The following FOSL2 variants were observed in gnomAD, a reference collection of about 807,000 sequenced individuals.
The protein encoded by FOSL2 is fos-related antigen 2.
Under a neutral mutation model 27.7 loss-of-function variants are expected in FOSL2, and 3 were observed. The observed-to-expected ratio is 0.11, with a 90% CI of 0.05 to 0.28. FOSL2 has a LOEUF of 0.28. Among genes scored for constraint, FOSL2 ranks in the 10% least tolerant of loss-of-function variants. FOSL2 has a pLI of 1.00. For missense variants in FOSL2, 333 were observed against 445.1 expected (o/e 0.75, Z 2.27); for synonymous variants, 179 against 190.1 (o/e 0.94, Z 0.48).
intron 1 of FOSL2, among the ~76,000 whole-genome samples, chr2:28,402,035 C>T (rs1046559541): frequency 6.6e-6 from 1 of 152,180 alleles, no homozygotes; most frequent in Non-Finnish European, 1.5e-5. Context: ...ATGCATTGTA[C>T]TGGGTAACTT....
rs1261127038 is a variant in FOSL2, at chr2:28,408,886, G to A, written c.462+20G>A. On this transcript the variant is annotated intron_variant, in intron 3 of 3. Coordinates refer to ENST00000264716, the MANE Select transcript of FOSL2 (RefSeq NM_005253.4). This position sits in a 1 kb window ranked among gnomAD's most constrained non-coding sequence, Gnocchi z 4.1. Reference sequence around the variant, plus strand: ...CAGGCGGTGAGGAACTCTGCGTAGGGTGGGAGCACCTCTGGGTGGGCTGGA... The same window carrying A: ...CAGGCGGTGAGGAACTCTGCGTAGGATGGGAGCACCTCTGGGTGGGCTGGA... The A allele has an allele frequency of 6.4e-7, 1 of 1,569,918 alleles. No individual in the cohort carries two copies. Among genetic ancestry groups the A allele is most frequent in the Non-Finnish European group, 8.7e-7 (1 of 1,153,104 alleles).
chr2:28,393,230 A>C lies in FOSL2; in HGVS notation c.-491A>C, dbSNP rs1483950334. 1 of 220,994 alleles carries C rather than the reference A, an allele frequency of 4.5e-6. No individual in the cohort carries two copies. Among genetic ancestry groups the C allele is most frequent in the Non-Finnish European group, 8.7e-6 (1 of 114,346 alleles). 13.7% of individuals were successfully genotyped at this position (220,994 alleles called of 1,614,324 possible). A position where few individuals can be genotyped will look rare whatever the true frequency, so the allele number is the denominator to read the frequency against. On this transcript the variant is annotated 5_prime_UTR_variant, in exon 1 of 4. Coordinates refer to ENST00000264716, the MANE Select transcript of FOSL2 (RefSeq NM_005253.4). This position sits in a 1 kb window ranked among gnomAD's most constrained non-coding sequence, Gnocchi z 4.6. Reference sequence around the variant, plus strand: ...TTTATTCTCCGGCTCCTTTTCTAAAAGGAAGAAACAGAAGTTTCTCCCAGC... The same window carrying C: ...TTTATTCTCCGGCTCCTTTTCTAAACGGAAGAAACAGAAGTTTCTCCCAGC...
chr2:28,405,296 G>A (rs1664054061), intron 2 of FOSL2, among the ~76,000 whole-genome samples: 1 of 152,248 alleles, frequency 6.6e-6, no homozygotes, highest in Admixed American at 6.5e-5. Flanking sequence ...CACTCGGCCA[G>A]TGAGTGGGGA....
chr2:28,393,620 G>T lies in FOSL2; in HGVS notation c.-101G>T. The stretch of plus-strand genomic sequence containing the variant: ...AGGAGCGAAGCCCAGAGCCCGCGGC[G>T]CGGCCGGCGGACGAACGAGCGCGCA... On this transcript the variant is annotated 5_prime_UTR_variant, in exon 1 of 4. Coordinates refer to ENST00000264716, the MANE Select transcript of FOSL2 (RefSeq NM_005253.4). The surrounding 1 kb of genome is among the most constrained non-coding windows in gnomAD (Gnocchi z 4.6). 2 of 837,220 alleles carry T rather than the reference G, an allele frequency of 2.4e-6. No homozygotes were observed. Among genetic ancestry groups the T allele is most frequent in the Admixed American group, 5.3e-5 (2 of 37,530 alleles). The allele number at this position is 837,220 out of a possible 1,614,324, so 51.9% of individuals were successfully genotyped here. A position where few individuals can be genotyped will look rare whatever the true frequency, so the allele number is the denominator to read the frequency against.
intron 1 of FOSL2, chr2:28,396,793 C>CACACACACACACACAG (rs1663847295): frequency 7.9e-6 from 1 of 127,182 alleles, no homozygotes; most frequent in Non-Finnish European, 1.8e-5. Context: ...TCCCAAGACA[C>CACACACACACACACAG]ACACACACAC....
In FOSL2 at chr2:28,393,155, C is replaced by T. The variant is rs1012341229; in HGVS notation, c.-566C>T. 3.4e-6 allele frequency: 1 copy of T among 294,324 alleles called. No homozygotes were observed. Among genetic ancestry groups the T allele is most frequent in the Non-Finnish European group, 6.2e-6 (1 of 160,500 alleles). 18.2% of individuals were successfully genotyped at this position (294,324 alleles called of 1,614,324 possible). Reference sequence around the variant, plus strand: ...CGGGCGCACGCCGCCTTCTCCTAGTCAAGTATCCGAGCCGCCCCGAAACTC... The same window carrying T: ...CGGGCGCACGCCGCCTTCTCCTAGTTAAGTATCCGAGCCGCCCCGAAACTC... On this transcript the variant is annotated 5_prime_UTR_variant, in exon 1 of 4. Transcript: ENST00000264716. This position sits in a 1 kb window ranked among gnomAD's most constrained non-coding sequence, Gnocchi z 4.6.
At chr2:28,400,169 G>A (rs1663940490) in intron 1 of FOSL2, among the ~76,000 whole-genome samples, 2 of 152,096 alleles carry the variant, frequency 1.3e-5, no homozygotes, top group Admixed American at 6.5e-5. Flanking sequence ...GAGGTTTTGG[G>A]TTACCTCTCC....
rs1664119162 is a variant in FOSL2 at position 28,408,012 on chromosome 2, G to C, written c.355-747G>C. 6.6e-6 allele frequency among the ~76,000 whole-genome samples: 1 copy of C among 152,204 alleles called. No individual in the cohort carries two copies. Among genetic ancestry groups the C allele is most frequent in the South Asian group, 2.1e-4 (1 of 4,830 alleles). On this transcript the variant is annotated intron_variant, in intron 2 of 3. Coordinates refer to ENST00000264716, the MANE Select transcript of FOSL2 (RefSeq NM_005253.4). This position sits in a 1 kb window ranked among gnomAD's most constrained non-coding sequence, Gnocchi z 4.1. ...AACTTCATCTTGCACATGGAACCAG[G>C]TGCTCACTTGTTGAGTGGACAGATA...
chr2:28,404,135 G>T lies in FOSL2; in HGVS notation c.131G>T (p.Gly44Val). 9 of 1,614,174 alleles carry T rather than the reference G, an allele frequency of 5.6e-6. No individual in the cohort carries two copies. Among genetic ancestry groups the T allele is most frequent in the Non-Finnish European group, 7.6e-6 (9 of 1,180,024 alleles). The change falls in exon 2 of 4, where the codon GGC becomes GTC. Residue 44 changes from glycine (G) to valine (V), a missense_variant. Coordinates refer to ENST00000264716, the MANE Select transcript of FOSL2 (RefSeq NM_005253.4). This position sits in a 1 kb window ranked among gnomAD's most constrained non-coding sequence, Gnocchi z 4.7. The part of the protein sequence containing the change: ...QKFRVDMPGS[G>V]SAFIPTINAI... ...TTCCGGGTAGATATGCCTGGCTCAG[G>T]CAGTGCATTCATCCCCACCATCAAC... is the stretch of plus-strand genomic sequence containing the variant.
At chr2:28,396,538 C>T (rs994743316) in intron 1 of FOSL2, among the ~76,000 whole-genome samples, 3 of 151,958 alleles carry the variant, frequency 2.0e-5, no homozygotes, top group Non-Finnish European at 4.4e-5. Context: ...GGCTGCTTGA[C>T]TATTACGGTT....
Position 28,412,237 on chromosome 2 carries a change from G to T in FOSL2, c.770G>T (p.Gly257Val), listed in dbSNP as rs766961451. ...KPISIAGGFY[G>V]EEPLHTPIVV... Reference sequence around the variant, plus strand: ...ATCAGCATTGCTGGGGGCTTCTACGGTGAGGAGCCCCTGCACACCCCCATC... The same window carrying T: ...ATCAGCATTGCTGGGGGCTTCTACGTTGAGGAGCCCCTGCACACCCCCATC... The change falls in exon 4 of 4, where the codon GGT becomes GTT. Residue 257 changes from glycine (G) to valine (V), a missense_variant. Transcript: ENST00000264716. This position sits in a 1 kb window ranked among gnomAD's most constrained non-coding sequence, Gnocchi z 7.1. The T allele has an allele frequency of 5.6e-6, 9 of 1,613,730 alleles. No individual in the cohort carries two copies. The highest frequency in any genetic ancestry group is 1.1e-5 in the South Asian group (1 of 91,074).
intron 3 of FOSL2, among the ~76,000 whole-genome samples, chr2:28,409,232 A>G (rs113771123): frequency 6.6e-6 from 1 of 152,090 alleles, no homozygotes; most frequent in Non-Finnish European, 1.5e-5. Context: ...GACCTGCCCC[A>G]TCCAGGGCTG....
chr2:28,396,086 G>T (rs1663828265), intron 1 of FOSL2, among the ~76,000 whole-genome samples: 1 of 152,048 alleles, frequency 6.6e-6, no homozygotes, highest in African/African-American at 2.4e-5. Context: ...TCTCTTTTAT[G>T]GCATCTCAGT....
At chr2:28,402,307 A>G (rs1199877013) in intron 1 of FOSL2, among the ~76,000 whole-genome samples, 1 of 152,252 alleles carries the variant, frequency 6.6e-6, no homozygotes, top group African/African-American at 2.4e-5. Context: ...TGTGCTGGGC[A>G]GCTCTCTTCA....
Position 28,413,324 on chromosome 2 carries a change from G to T in FOSL2, c.*876G>T. 2.5e-6 allele frequency: 1 copy of T among 397,038 alleles called. No individual in the cohort carries two copies. The highest frequency in any genetic ancestry group is 6.3e-4 in the Middle Eastern group (1 of 1,584). 24.6% of individuals were successfully genotyped at this position (397,038 alleles called of 1,614,324 possible). ...CCCTTCACCTGGTGTCTTGAGTAGG[G>T]CGTCTCCTGTAATTACTGCCTTGCC... is the stretch of plus-strand genomic sequence containing the variant. On this transcript the variant is annotated 3_prime_UTR_variant, in exon 4 of 4. Coordinates refer to ENST00000264716, the MANE Select transcript of FOSL2 (RefSeq NM_005253.4).
intron 2 of FOSL2, among the ~76,000 whole-genome samples, chr2:28,405,120 T>C (rs2148089189): frequency 6.6e-6 from 1 of 152,262 alleles, no homozygotes; most frequent in Middle Eastern, 3.4e-3. Context: ...AAGAGGCTCA[T>C]TGCCTGGATC....
intron 2 of FOSL2, among the ~76,000 whole-genome samples, chr2:28,407,021 A>G (rs1664098695): frequency 6.6e-6 from 1 of 152,128 alleles, no homozygotes; most frequent in South Asian, 2.1e-4. Context: ...AACACTTCCT[A>G]TGTTGACAGC....
intron 1 of FOSL2, chr2:28,396,712 A>G (rs1663844050): frequency 2.6e-5 from 4 of 151,842 alleles, no homozygotes; most frequent in Admixed American, 2.6e-4. Context: ...TGTGAAAATA[A>G]ATCAAGGGCA....
At position 28,411,705 on chromosome 2, in the gene FOSL2, CTG is replaced by C. The variant is rs1384416957; in HGVS notation, c.463-224_463-223del. Among the ~76,000 whole-genome samples the C allele has an allele frequency of 4.6e-5, 7 of 151,614 alleles. No homozygotes were observed. The South Asian group carries it at 1.4e-3, about 31-fold the overall frequency. On this transcript the variant is annotated intron_variant, in intron 3 of 3. Coordinates refer to ENST00000264716, the MANE Select transcript of FOSL2 (RefSeq NM_005253.4). ...CAAAGTAGGTGCTGGGTTATGGCAG[CTG>C]CAGTTGTTGTCTTACCCCCTCTCCA...
Sources: allele counts gnomAD v4.1 joint callset (sites outside exome capture counted in the v4.1 genomes callset), GRCh38; gene constraint gnomAD v4.1.1; non-coding constraint Gnocchi (gnomAD v3.1); transcripts MANE v1.5; gene names NCBI Gene and HGNC (gene_info 2026-07-23, HGNC 2026-07-21).